MGAM: variants seen among roughly 807,000 people sequenced by gnomAD.
The protein encoded by MGAM is alpha-1,4-glucosidase.
A neutral mutation model predicts 358.8 loss-of-function variants in MGAM; 253 were observed. The observed-to-expected ratio is 0.71, with a 90% CI of 0.64 to 0.78. The LOEUF (loss-of-function observed/expected upper bound fraction) is 0.78. Among genes scored for constraint, MGAM ranks in the 30% least tolerant of loss-of-function variants. MGAM has a pLI of 0.00. For synonymous variants in MGAM, 1,105 were observed against 1,227.1 expected (o/e 0.90, Z 2.08); for missense variants, 3,080 against 3,432.6 (o/e 0.90, Z 2.57).
chr7:141,992,756 T>A (rs1413159565), upstream of MGAM, among the ~76,000 whole-genome samples: 19 of 152,090 alleles, frequency 1.2e-4, no homozygotes, highest in African/African-American at 4.3e-4. Context: ...TGATTTTTTT[T>A]ATTTTTTGTA....
chr7:141,995,046 A>G (rs1804127898), upstream of MGAM, among the ~76,000 whole-genome samples: 1 of 152,198 alleles, frequency 6.6e-6, no homozygotes, highest in Non-Finnish European at 1.5e-5. Context: ...AAACAAACTA[A>G]GCCATGGCAG....
chr7:142,058,098 T>G, intron 30 of MGAM, 105 bp from the exon 31 acceptor site: 1 of 1,543,768 alleles, frequency 6.5e-7, no homozygotes, highest in Non-Finnish European at 8.8e-7. Flanking sequence ...TTTCAATTAG[T>G]TAGTTGTCTA....
intron 47 of MGAM, among the ~76,000 whole-genome samples, chr7:142,078,082 A>G (rs1490016381): frequency 6.9e-6 from 1 of 145,880 alleles, no homozygotes; most frequent in African/African-American, 2.4e-5. Context: ...AATTGTTTTC[A>G]TTATGCTATG....
At chr7:142,050,565 C>G in intron 23 of MGAM, 132 bp from the exon 24 acceptor site, 3 of 988,656 alleles carry the variant, frequency 3.0e-6, no homozygotes, top group Non-Finnish European at 1.5e-6. Context: ...CTTCAGCACA[C>G]ACTAGTAGAG....
chr7:142,036,492 A>G (rs1808008465), intron 17 of MGAM, among the ~76,000 whole-genome samples: 3 of 152,180 alleles, frequency 2.0e-5, no homozygotes, highest in African/African-American at 4.8e-5. Context: ...TGTTGCATTC[A>G]AGGAAATGGT....
At chr7:142,041,865 A>G (rs1442298528) in intron 21 of MGAM, among the ~76,000 whole-genome samples, 3 of 106,120 alleles carry the variant, frequency 2.8e-5, no homozygotes, top group Non-Finnish European at 5.4e-5. Flanking sequence ...GTCATTTTAT[A>G]TATATATTAT....
At chr7:142,097,497 G>C in intron 65 of MGAM, 96 bp from the exon 66 acceptor site, 1 of 1,234,578 alleles carries the variant, frequency 8.1e-7, no homozygotes, top group Non-Finnish European at 1.2e-6. Context: ...GTGGGCCCAA[G>C]GCCATCACAA....
chr7:141,996,938 G>A (rs1804284342), intron 1 of MGAM, among the ~76,000 whole-genome samples: 1 of 151,736 alleles, frequency 6.6e-6, no homozygotes, highest in African/African-American at 2.4e-5. Context: ...AAGAGGAGAA[G>A]GTGATAAATT....
chr7:142,081,466 C>T (rs1814274757), intron 50 of MGAM, among the ~76,000 whole-genome samples: 1 of 145,000 alleles, frequency 6.9e-6, no homozygotes, highest in South Asian at 2.2e-4. Flanking sequence ...GCATTTCAGA[C>T]AGAGGGAATA....
In MGAM at chr7:142,027,160, G is replaced by C; in HGVS notation, c.1028G>C (p.Gly343Ala). The C allele has an allele frequency of 1.9e-6, 3 of 1,613,692 alleles. No individual in the cohort carries two copies. The highest frequency in any genetic ancestry group is 2.5e-6 in the Non-Finnish European group (3 of 1,179,698). ...CCAGCCATCACTTACCGCACCATTG[G>C]GGGCATTCTCGACTTCTATGTGTTC... ...PAPAITYRTI[G>A]GILDFYVFLG... The change falls in exon 9 of 71, where the codon GGG becomes GCG. Residue 343 changes from glycine to alanine, a missense_variant. Gly to Ala is a moderately conservative substitution (Grantham distance 60, BLOSUM62 0). Coordinates refer to ENST00000475668, the MANE Select transcript of MGAM (RefSeq NM_001365693.1).
intron 21 of MGAM, among the ~76,000 whole-genome samples, chr7:142,041,958 A>ATGT (rs1563144983): frequency 9.0e-4 from 18 of 19,982 alleles, no homozygotes; most frequent in African/African-American, 2.6e-3. Flanking sequence ...ACATATATAT[A>ATGT]ATATATATAT....
intron 4 of MGAM, among the ~76,000 whole-genome samples, chr7:142,019,624 A>G (rs782123069): frequency 6.6e-6 from 1 of 152,244 alleles, no homozygotes; most frequent in Non-Finnish European, 1.5e-5. Context: ...GGGATTTGAA[A>G]TTGGTAACCT....
chr7:142,102,970 T>C (rs1188710954), intron 69 of MGAM, among the ~76,000 whole-genome samples: 3 of 152,214 alleles, frequency 2.0e-5, no homozygotes, highest in Non-Finnish European at 4.4e-5. Flanking sequence ...CTTGGAATGG[T>C]CTGCACATTT....
Position 142,019,200 on chromosome 7 carries a change from C to A in MGAM, c.329C>A (p.Ala110Asp). The A allele has an allele frequency of 6.2e-7, 1 of 1,612,800 alleles. No homozygotes were observed. Among genetic ancestry groups the A allele is most frequent in the Non-Finnish European group, 8.5e-7 (1 of 1,179,330 alleles). ...TCTTTGACTAACCTCTTGTTTCAGG[C>A]CACATGTGACCAACGTGGCTGTTGC... ...NCIPDQPPTK[A>D]TCDQRGCCWN... is the part of the protein sequence containing the mutation. Residue 110 changes from alanine (A) to aspartate (D), a missense_variant and splice_region_variant, in exon 4 of 71, where the codon GCC becomes GAC. Physicochemically the swap from Ala to Asp is moderately radical, Grantham distance 126. Around this residue, in one of 5 missense-constraint regions of MGAM, gnomAD observed 1,816 missense variants for 1,840.5 expected, o/e 0.99. Transcript: ENST00000475668.
intron 25 of MGAM, 140 bp downstream of exon 25, chr7:142,052,586 G>A (rs768954579): frequency 9.8e-6 from 13 of 1,330,336 alleles, no homozygotes; most frequent in Non-Finnish European, 1.0e-5. Flanking sequence ...GATGTGACAA[G>A]TAGGTGGGGA....
chr7:142,022,464 C>G (rs782552413), intron 7 of MGAM, 25 bp downstream of exon 7: 1 of 1,604,198 alleles, frequency 6.2e-7, no homozygotes, highest in South Asian at 1.1e-5. Flanking sequence ...GGGCCCCTTT[C>G]CACTGAATAT....
In MGAM at chr7:142,082,193, C is replaced by T. The variant is rs529863811; in HGVS notation, c.6154C>T (p.Arg2052Ter). ...LEWHTWGMFS[R>*]DQPPGYKKNS... ...GTGGCACACTTGGGGGATGTTCTCC[C>T]GAGACCAGCCCCCAGGGGTAAGGAC... is the stretch of plus-strand genomic sequence containing the variant. The change falls in exon 51 of 71, where the codon CGA becomes TGA. Residue 2052 changes from arginine (R) to a stop codon, truncating the protein, a stop_gained. Coordinates refer to ENST00000475668, the MANE Select transcript of MGAM (RefSeq NM_001365693.1). LOFTEE classifies it high-confidence loss of function. 7.7e-6 allele frequency: 12 copies of T among 1,554,558 alleles called. 1 individual carries two copies. The highest frequency in any genetic ancestry group is 6.8e-5 in the East Asian group (3 of 43,912).
At chr7:142,016,643 AGTGCAGTG>A (rs1805997376) in intron 3 of MGAM, among the ~76,000 whole-genome samples, 2 of 152,260 alleles carry the variant, frequency 1.3e-5, no homozygotes, top group Middle Eastern at 6.8e-3. Context: ...CCCAGGCTGG[AGTGCAGTG>A]GCACAATCTC....
At chr7:142,034,948 G>A in intron 16 of MGAM, 107 bp downstream of exon 16, 3 of 1,096,822 alleles carry the variant, frequency 2.7e-6, no homozygotes, top group Non-Finnish European at 3.9e-6. Context: ...CATGGCTGGG[G>A]ATTTAATATC....
Sources: allele counts gnomAD v4.1 joint callset (sites outside exome capture counted in the v4.1 genomes callset), GRCh38; gene constraint gnomAD v4.1.1; regional missense constraint gnomAD v4.1.1; transcripts MANE v1.5; gene names NCBI Gene and HGNC (gene_info 2026-07-23, HGNC 2026-07-21).